Variants in PPP4R1 observed in about 807,000 individuals in gnomAD.
PPP4R1 encodes protein phosphatase 4 regulatory subunit 1.
In PPP4R1, 42 loss-of-function variants were observed where a neutral mutation model predicts 111.2. The ratio of observed to expected loss-of-function variants is 0.38; its 90% confidence interval spans 0.29 to 0.49. The LOEUF is 0.49. Ranked by LOEUF, PPP4R1 falls within the 20% of genes least tolerant of loss-of-function variation. The probability of loss-of-function intolerance (pLI) is 0.97; values close to 1 mark genes in which losing one functional copy is unlikely to be tolerated. For missense variants in PPP4R1, 1,012 were observed against 1,161.6 expected, an observed-to-expected ratio of 0.87 and a Z score of 1.87; for synonymous variants, 409 against 405.5, an observed-to-expected ratio of 1.01 and a Z score of -0.10.
chr18:9,549,955 A>T, intron 18 of PPP4R1, 97 bp downstream of exon 18: 2 of 1,537,266 alleles, frequency 1.3e-6, no homozygotes, highest in Non-Finnish European at 1.8e-6. Context: ...TCTGTTCCTT[A>T]AGAGTAAGGA....
intron 9 of PPP4R1, among the ~76,000 whole-genome samples, chr18:9,577,450 A>C (rs2066954980): frequency 6.6e-6 from 1 of 152,184 alleles, no homozygotes; most frequent in Non-Finnish European, 1.5e-5. Context: ...AGATCGCTTG[A>C]GTCCAGCAGT....
chr18:9,607,816 C>T (rs1054917159), intron 2 of PPP4R1, among the ~76,000 whole-genome samples: 2 of 140,628 alleles, frequency 1.4e-5, no homozygotes, highest in African/African-American at 5.4e-5. Context: ...TGGAGTTTCG[C>T]TCGTTGCCCA....
At chr18:9,581,080 AG>A (rs1157062528) in intron 9 of PPP4R1, among the ~76,000 whole-genome samples, 5 of 152,188 alleles carry the variant, frequency 3.3e-5, no homozygotes, top group African/African-American at 9.7e-5. Flanking sequence ...AACAGTAACA[AG>A]CCCCCATGGG....
At chr18:9,598,871 C>T (rs1459010069) in intron 2 of PPP4R1, among the ~76,000 whole-genome samples, 1 of 151,368 alleles carries the variant, frequency 6.6e-6, no homozygotes, top group African/African-American at 2.4e-5. Flanking sequence ...AAAAAAAATA[C>T]AAAAATTAGC....
intron 2 of PPP4R1, among the ~76,000 whole-genome samples, chr18:9,602,808 G>A (rs932109284): frequency 9.0e-6 from 1 of 111,024 alleles, no homozygotes; most frequent in African/African-American, 4.9e-5. Flanking sequence ...GCGACGTACT[G>A]AGACACTGTC....
chr18:9,567,975 CA>C (rs1335107362), intron 11 of PPP4R1, among the ~76,000 whole-genome samples: 4 of 152,176 alleles, frequency 2.6e-5, no homozygotes, highest in Admixed American at 2.6e-4. Flanking sequence ...AAGGTATGTG[CA>C]TTTTTTTTTA....
intron 2 of PPP4R1, among the ~76,000 whole-genome samples, chr18:9,606,954 C>T (rs542705806): frequency 6.6e-6 from 1 of 152,200 alleles, no homozygotes; most frequent in East Asian, 1.9e-4. Flanking sequence ...AATCCAAATA[C>T]AAAATTTGAA....
chr18:9,577,736 T>C (rs968932256), intron 9 of PPP4R1, among the ~76,000 whole-genome samples: 1 of 152,200 alleles, frequency 6.6e-6, no homozygotes, highest in African/African-American at 2.4e-5. Context: ...TCTTGAATGT[T>C]TGAACCATGA....
intron 4 of PPP4R1, among the ~76,000 whole-genome samples, chr18:9,590,461 C>A (rs1379133516): frequency 6.6e-6 from 1 of 152,142 alleles, no homozygotes; most frequent in East Asian, 1.9e-4. Context: ...TTAACACTGA[C>A]AATTGCTTAT....
At chr18:9,592,176 T>C (rs934034398) in intron 4 of PPP4R1, among the ~76,000 whole-genome samples, 4 of 152,288 alleles carry the variant, frequency 2.6e-5, no homozygotes, top group Admixed American at 6.5e-5. Context: ...CTGTTCTAAA[T>C]CACAAAAAGG....
chr18:9,614,528 C>T lies in PPP4R1; in HGVS notation c.-44G>A. The T allele has an allele frequency of 9.9e-7, 1 of 1,009,970 alleles. No individual in the cohort carries two copies. Among genetic ancestry groups the T allele is most frequent in the South Asian group, 4.5e-5 (1 of 22,324 alleles). The allele number at this position is 1,009,970 out of a possible 1,614,324, so 62.6% of individuals were successfully genotyped here. On this transcript the variant is annotated 5_prime_UTR_variant, in exon 1 of 20. It removes the in-frame stop codon of an upstream open reading frame in the 5' UTR. Transcript: ENST00000400556. This position sits in a 1 kb window ranked among gnomAD's most constrained non-coding sequence, Gnocchi z 4.1. Reference sequence around the variant, plus strand: ...TCCGCGGCCGCCCGGGGAGCCGGGGCTACATGGAGCGGCGCGAGCCGGGGA... The same window carrying T: ...TCCGCGGCCGCCCGGGGAGCCGGGGTTACATGGAGCGGCGCGAGCCGGGGA...
At chr18:9,585,846 T>A (rs1361351974) in intron 6 of PPP4R1, among the ~76,000 whole-genome samples, 1 of 152,082 alleles carries the variant, frequency 6.6e-6, no homozygotes, top group East Asian at 1.9e-4. Context: ...TGCTGAAAAC[T>A]ACAAAAGATT....
chr18:9,597,133 G>GA (rs1220038153), intron 2 of PPP4R1, among the ~76,000 whole-genome samples: 2 of 152,036 alleles, frequency 1.3e-5, no homozygotes, highest in Non-Finnish European at 2.9e-5. Flanking sequence ...GAAACACAGT[G>GA]AGACCCCCAT....
intron 10 of PPP4R1, 88 bp from the exon 11 acceptor site, chr18:9,570,771 T>C (rs1337074608): frequency 7.4e-7 from 1 of 1,359,454 alleles, no homozygotes; most frequent in African/African-American, 1.5e-5. Flanking sequence ...ATATAGCATT[T>C]AGACAAGTTA....
intron 2 of PPP4R1, among the ~76,000 whole-genome samples, chr18:9,601,683 G>A (rs1370342085): frequency 6.6e-6 from 1 of 152,108 alleles, no homozygotes; most frequent in Non-Finnish European, 1.5e-5. Context: ...AGAAGAGACG[G>A]GGTTTCACCA....
intron 2 of PPP4R1, among the ~76,000 whole-genome samples, chr18:9,601,915 C>T (rs1321625137): frequency 1.3e-5 from 2 of 152,116 alleles, no homozygotes; most frequent in East Asian, 3.9e-4. Flanking sequence ...ATAAACTAGG[C>T]TCAATATAAC....
In PPP4R1 at chr18:9,562,012, T is replaced by A; in HGVS notation, c.1810A>T (p.Ser604Cys). 1 of 1,613,090 alleles carries A rather than the reference T, an allele frequency of 6.2e-7. No homozygotes were observed. Among genetic ancestry groups the A allele is most frequent in the African/African-American group, 1.3e-5 (1 of 75,038 alleles). ...DSDLSNNSSFSPDEERRTKVQ... is the reference protein window; with the variant it reads ...DSDLSNNSSFCPDEERRTKVQ... ...TTAGTTCTCCTTTCCTCATCAGGGC[T>A]AAAACTGCTATTGTTGCTCAAGTCT... The change falls in exon 13 of 20, where the codon AGC (serine) becomes TGC (cysteine). Residue 604 changes from serine to cysteine, a missense_variant. By Grantham distance (112) the Ser-to-Cys change is moderately radical (BLOSUM62 -1). This residue lies in a region of PPP4R1 where 707 missense variants were observed against 742.1 expected (regional missense o/e 0.95). Coordinates refer to ENST00000400556, the MANE Select transcript of PPP4R1 (RefSeq NM_001042388.3).
chr18:9,566,109 C>A (rs956973156), intron 11 of PPP4R1, among the ~76,000 whole-genome samples: 1 of 151,864 alleles, frequency 6.6e-6, no homozygotes, highest in South Asian at 2.1e-4. Flanking sequence ...CAGGGTTTCA[C>A]CATGTTGGCC....
rs371031848 is a variant in PPP4R1, at chr18:9,563,501, T to G, written c.1623A>C (p.Ala541=). ...TTTCTATACTGATGGTCTCTTCATG[T>G]GCATCCAGGCTGGAAGCACGTAGTG... The part of the protein sequence containing the change: ...SAALRASSLD[A]HEETISIEKR... Residue 541 remains alanine, a synonymous_variant, in exon 12 of 20, where the codon GCA becomes GCC. Coordinates refer to ENST00000400556, the MANE Select transcript of PPP4R1 (RefSeq NM_001042388.3). 7.8e-4 allele frequency: 1,247 copies of G among 1,608,738 alleles called. 14 individuals are homozygous for G. The highest frequency in any genetic ancestry group is 7.7e-5 in the Non-Finnish European group (91 of 1,175,798).
Sources: gnomAD v4.1 joint callset for allele counts (sites outside exome capture counted in the v4.1 genomes callset) on GRCh38, gnomAD v4.1.1 for gene constraint, gnomAD v4.1.1 regional missense constraint, Gnocchi (gnomAD v3.1) non-coding constraint, MANE v1.5 for transcripts, NCBI Gene and HGNC (gene_info 2026-07-23, HGNC 2026-07-21) for gene names.